Variants in SPG7 observed in about 807,000 individuals in gnomAD.
SPG7 encodes mitochondrial inner membrane m-AAA protease component paraplegin.
In SPG7, 103 loss-of-function variants were observed where a neutral mutation model predicts 81.9. That is an observed-to-expected ratio of 1.26 (90% CI 1.07 to 1.48). The LOEUF is 1.48. Among genes scored for constraint, SPG7 ranks in the 40% most tolerant of loss-of-function variants. SPG7 has a pLI of 0.00. For missense variants in SPG7, 1,241 were observed against 1,087.3 expected (o/e 1.14, Z -1.99); for synonymous variants, 534 against 444.2 (o/e 1.20, Z -2.54).
In SPG7 at chr16:89,536,481, T is replaced by C. The variant is rs983550161; in HGVS notation, c.1324+3845T>C. On this transcript the variant is annotated intron_variant, in intron 9 of 16. Coordinates refer to ENST00000645818, the MANE Select transcript of SPG7 (RefSeq NM_003119.4). ...AGGCGGGTGAGGCGGGTGAGGCGGG[T>C]GAGGTCAGGTGAGGCAGGTGAGGTG... is the stretch of plus-strand genomic sequence containing the variant. 0.013 allele frequency among the ~76,000 whole-genome samples: 540 copies of C among 42,800 alleles called. 70 individuals are homozygous for C. The highest frequency in any genetic ancestry group is 0.028 in the South Asian group (29 of 1,036). The allele number at this position is 42,800 out of a possible 152,430, so 28.1% of individuals were successfully genotyped here.
intron 16 of SPG7, chr16:89,555,137 A>C (rs1293946194): frequency 6.6e-6 from 1 of 152,296 alleles, no homozygotes; most frequent in African/African-American, 2.5e-5. Context: ...GCTGGAGTGC[A>C]GTGGTGCAAT....
intron 14 of SPG7, 60 bp from the exon 15 acceptor site, chr16:89,553,734 C>T (rs768431366): frequency 1.9e-6 from 3 of 1,559,716 alleles, no homozygotes; most frequent in Non-Finnish European, 1.8e-6. Flanking sequence ...ACACCTGGGG[C>T]CCAGCACTGC....
chr16:89,518,109 A>C (rs1184092157), intron 3 of SPG7: 1 of 152,240 alleles, frequency 6.6e-6, no homozygotes, highest in African/African-American at 2.4e-5. Context: ...GTGGATTTTC[A>C]GGACTGCTGA....
chr16:89,553,570 G>C (rs1390344433), intron 14 of SPG7: 3 of 583,122 alleles, frequency 5.1e-6, no homozygotes, highest in South Asian at 4.0e-5. Flanking sequence ...TATGCCCCCG[G>C]GTTCTAGATT....
At chr16:89,530,861 C>G in intron 7 of SPG7, 53 bp downstream of exon 7, 1 of 1,611,880 alleles carries the variant, frequency 6.2e-7, no homozygotes, top group Non-Finnish European at 8.5e-7. Flanking sequence ...GGCCGTCCTC[C>G]TCTCCCAGAA....
chr16:89,510,596 T>A lies in SPG7; in HGVS notation c.286+4T>A. ...GTCAGACTCTGGCAACTTTTAGGTA[T>A]GTATCTGTTTAAAGAAGCAGCTGAG... On this transcript the variant is annotated splice_donor_region_variant and intron_variant, in intron 2 of 16. Transcript: ENST00000645818. The A allele has an allele frequency of 6.3e-7, 1 of 1,576,504 alleles. No individual in the cohort carries two copies. Among genetic ancestry groups the A allele is most frequent in the Non-Finnish European group, 8.7e-7 (1 of 1,145,828 alleles).
At chr16:89,551,348 G>A (rs190113511) in intron 13 of SPG7, 9 of 157,252 alleles carry the variant, frequency 5.7e-5, no homozygotes, top group Admixed American at 5.4e-4. Flanking sequence ...TGCCAGCTTG[G>A]TTTGTCAGTG....
chr16:89,513,948 G>C lies in SPG7; in HGVS notation c.376+911G>C, dbSNP rs150865828. ...TATTATTGTGAATTCGAGTTTAGCA[G>C]GAGTTTGTTTCAGGAGTGACGTCCT... On this transcript the variant is annotated intron_variant, in intron 3 of 16. Transcript: ENST00000645818. Among the ~76,000 whole-genome samples, 875 of 152,296 alleles carry C rather than the reference G, an allele frequency of 5.7e-3. 21 individuals carry two copies. The highest frequency in any genetic ancestry group is 1.7e-3 in the Non-Finnish European group (116 of 68,028).
At chr16:89,529,892 TGCA>T (rs1406015050) in intron 6 of SPG7, 12 of 390,530 alleles carry the variant, frequency 3.1e-5, no homozygotes, top group African/African-American at 2.5e-4. Context: ...CAGGCTGGAG[TGCA>T]GCCGTGCGAT....
chr16:89,537,131 G>C lies in SPG7; in HGVS notation c.1324+4495G>C, dbSNP rs899859473. 15 of 1,469,644 alleles carry C rather than the reference G, an allele frequency of 1.0e-5. No homozygotes were observed. The African/African-American group carries it at 2.0e-4, about 19-fold the overall frequency. 91.0% of individuals were successfully genotyped at this position (1,469,644 alleles called of 1,614,324 possible). A position where few individuals can be genotyped will look rare whatever the true frequency, so the allele number is the denominator to read the frequency against. ...GCTGTGCATGCTCAGCCCTGCCGAG[G>C]TCCCAGGCCAGGCTTTGTTGCTTCC... On this transcript the variant is annotated intron_variant, in intron 9 of 16. Coordinates refer to ENST00000645818, the MANE Select transcript of SPG7 (RefSeq NM_003119.4).
chr16:89,550,300 G>A, intron 12 of SPG7, 194 bp from the exon 13 acceptor site: 1 of 559,368 alleles, frequency 1.8e-6, no homozygotes, highest in South Asian at 1.8e-5. Flanking sequence ...AGCCTCCCAA[G>A]TAGCTGGGAC....
intron 4 of SPG7, among the ~76,000 whole-genome samples, chr16:89,525,258 C>T (rs941138225): frequency 3.3e-5 from 5 of 152,228 alleles, no homozygotes; most frequent in Admixed American, 6.5e-5. Context: ...TCAGCCACCA[C>T]GCCTGGCGCT....
intron 15 of SPG7, 148 bp from the exon 16 acceptor site, chr16:89,554,338 A>G (rs1249513266): frequency 8.6e-6 from 6 of 699,530 alleles, no homozygotes; most frequent in Non-Finnish European, 1.3e-5. Context: ...CACTGGTCAC[A>G]GGGGCAGGAG....
chr16:89,529,551 CTGGAAGGGAAGG>C lies in SPG7; in HGVS notation c.838_849del (p.Arg280_Gly283del). ...TATGTTTTCCGTCTGGCCGGGATGA[CTGGAAGGGAAGG>C]TGGATTCAGTGCTTTTGTAAGTTCT... On this transcript the variant is annotated inframe_deletion, in exon 6 of 17. Transcript: ENST00000645818. The C allele has an allele frequency of 6.2e-7, 1 of 1,613,830 alleles. No homozygotes were observed.
chr16:89,520,664 C>G (rs554179447), intron 3 of SPG7: 5 of 152,256 alleles, frequency 3.3e-5, no homozygotes, highest in African/African-American at 1.2e-4. Flanking sequence ...CCCAAAGTGC[C>G]TGGATGACAG....
Position 89,553,031 on chromosome 16 carries a change from C to T in SPG7, c.1832C>T (p.Pro611Leu). The change falls in exon 14 of 17, where the codon CCC becomes CTC. Residue 611 changes from proline (P) to leucine (L), a missense_variant. Transcript: ENST00000645818. ...GCCCTGGGCTTTGCTCAGATGCTCC[C>T]CAGAGACCAGCACCTCTTCACCAAG... ...NAALGFAQML[P>L]RDQHLFTKEQ... The T allele has an allele frequency of 1.9e-6, 3 of 1,614,036 alleles. No homozygotes were observed. The highest frequency in any genetic ancestry group is 2.5e-6 in the Non-Finnish European group (3 of 1,179,962).
At chr16:89,526,242 T>G in intron 4 of SPG7, 87 bp from the exon 5 acceptor site, 7 of 1,493,840 alleles carry the variant, frequency 4.7e-6, no homozygotes, top group South Asian at 1.1e-5. Flanking sequence ...GTCATTACCA[T>G]GAGTTCCAGG....
At chr16:89,550,344 T>C in intron 12 of SPG7, 150 bp from the exon 13 acceptor site, 1 of 669,666 alleles carries the variant, frequency 1.5e-6, no homozygotes, top group Non-Finnish European at 2.7e-6. Context: ...AGCTAATTTT[T>C]CTATTTTTAG....
At chr16:89,529,949 C>T (rs1455028177) in intron 6 of SPG7, 1 of 329,918 alleles carries the variant, frequency 3.0e-6, no homozygotes, top group African/African-American at 2.1e-5. Flanking sequence ...AAGCAATTCT[C>T]CTGCCTCAGC....
Sources: allele counts gnomAD v4.1 joint callset (sites outside exome capture counted in the v4.1 genomes callset), GRCh38; gene constraint gnomAD v4.1.1; transcripts MANE v1.5; gene names NCBI Gene and HGNC (gene_info 2026-07-23, HGNC 2026-07-21).